Variants in CFAP46 observed in about 807,000 individuals in gnomAD.
CFAP46 encodes cilia- and flagella-associated protein 46.
A neutral mutation model predicts 325.7 loss-of-function variants in CFAP46; 245 were observed. The ratio of observed to expected loss-of-function variants is 0.75; its 90% CI spans 0.68 to 0.84. The LOEUF is 0.84. CFAP46 is among the 40% of genes least tolerant of loss of function. The pLI is 0.00. For missense variants in CFAP46, 3,346 were observed against 3,543.0 expected (o/e 0.94, Z 1.41); for synonymous variants, 1,523 against 1,495.9 (o/e 1.02, Z -0.42).
intron 50 of CFAP46, among the ~76,000 whole-genome samples, chr10:132,822,841 ATGTGTGCAC>A (rs1847904801): frequency 2.0e-5 from 1 of 50,228 alleles, no homozygotes; most frequent in Non-Finnish European, 4.2e-5. Context: ...ATGTGTGCTG[ATGTGTGCAC>A]TGTGTGCTGT....
chr10:132,865,316 G>A (rs1323183609), intron 35 of CFAP46, among the ~76,000 whole-genome samples: 1 of 152,190 alleles, frequency 6.6e-6, no homozygotes, highest in Admixed American at 6.5e-5. Context: ...GGGAGTGCAG[G>A]CGCCCAGGGT....
chr10:132,841,248 C>A (rs1027097415), intron 44 of CFAP46, among the ~76,000 whole-genome samples: 1 of 152,250 alleles, frequency 6.6e-6, no homozygotes, highest in African/African-American at 2.4e-5. Flanking sequence ...CGACATACAG[C>A]GGTGGGACCG....
chr10:132,900,108 G>A (rs1428229235), intron 22 of CFAP46, among the ~76,000 whole-genome samples: 4 of 152,184 alleles, frequency 2.6e-5, no homozygotes, highest in African/African-American at 9.7e-5. Context: ...TCAGCCCCCA[G>A]AACCATGGGG....
At chr10:132,922,421 GC>G (rs143586527) in intron 12 of CFAP46, 58 bp downstream of exon 12, 27,622 of 1,487,898 alleles carry the variant, frequency 0.019, 357 homozygotes, top group African/African-American at 0.054. Context: ...TCAGAGCCCC[GC>G]CCCGGCCCCA....
At chr10:132,918,897 G>A (rs752355278) in intron 15 of CFAP46, among the ~76,000 whole-genome samples, 15 of 152,190 alleles carry the variant, frequency 9.9e-5, no homozygotes, top group South Asian at 2.1e-4. Flanking sequence ...TCGTCCCTCC[G>A]GGTCCTGATT....
intron 50 of CFAP46, among the ~76,000 whole-genome samples, chr10:132,818,149 G>C (rs1409931412): frequency 1.3e-5 from 2 of 152,230 alleles, no homozygotes; most frequent in Middle Eastern, 3.2e-3. Context: ...GGAGCGTCTA[G>C]TTGGGCTGCT....
At position 132,919,589 on chromosome 10, in the gene CFAP46, A is replaced by G; in HGVS notation, c.1731-147T>C. Reference sequence around the variant, plus strand: ...AAGGAGCCCGGCACTCGCGCTGGGTACGGCCTGGCGGGTGCATGTCCCAGG... The same window carrying G: ...AAGGAGCCCGGCACTCGCGCTGGGTGCGGCCTGGCGGGTGCATGTCCCAGG... On this transcript the variant is annotated intron_variant, in intron 14 of 57. Coordinates refer to ENST00000368586, the MANE Select transcript of CFAP46 (RefSeq NM_001200049.3). The surrounding 1 kb of genome is among the most constrained non-coding windows in gnomAD (Gnocchi z 9.7). 9.0e-7 allele frequency: 1 copy of G among 1,113,460 alleles called. No homozygotes were observed. Among genetic ancestry groups the G allele is most frequent in the Non-Finnish European group, 1.2e-6 (1 of 802,442 alleles). The allele number at this position is 1,113,460 out of a possible 1,614,324, so 69.0% of individuals were successfully genotyped here.
chr10:132,813,086 G>A (rs138680357), intron 54 of CFAP46, among the ~76,000 whole-genome samples, 189 bp from the exon 55 acceptor site: 13 of 152,270 alleles, frequency 8.5e-5, no homozygotes, highest in Non-Finnish European at 8.8e-5. Flanking sequence ...GGGTCACGGC[G>A]GAGCCTAGTC....
intron 22 of CFAP46, among the ~76,000 whole-genome samples, chr10:132,904,244 G>A (rs1210966826): frequency 6.6e-6 from 1 of 152,244 alleles, no homozygotes; most frequent in African/African-American, 2.4e-5. Context: ...CTGTGGCTCT[G>A]ACAGTGACCA....
intron 35 of CFAP46, among the ~76,000 whole-genome samples, chr10:132,863,007 C>G (rs900482728): frequency 6.6e-6 from 1 of 152,124 alleles, no homozygotes; most frequent in Non-Finnish European, 1.5e-5. Flanking sequence ...CTGTCAGAAG[C>G]GCCTGCTGTG....
At chr10:132,830,614 T>C (rs2134976048) in intron 50 of CFAP46, among the ~76,000 whole-genome samples, 1 of 152,374 alleles carries the variant, frequency 6.6e-6, no homozygotes, top group African/African-American at 2.4e-5. Context: ...TTATTCATTA[T>C]TTACTTTTTA....
At chr10:132,816,564 C>T (rs904723541) in intron 50 of CFAP46, among the ~76,000 whole-genome samples, 5 of 152,216 alleles carry the variant, frequency 3.3e-5, no homozygotes, top group Admixed American at 6.5e-5. Context: ...ATCTCCTGAC[C>T]TTGGGTGATC....
Position 132,814,710 on chromosome 10 carries a change from T to C in CFAP46, c.7225A>G (p.Ile2409Val), listed in dbSNP as rs1455659882. The C allele has an allele frequency of 6.2e-7, 1 of 1,611,772 alleles. No homozygotes were observed. Reference sequence around the variant, plus strand: ...CACTTGAAGTTGTCTGAGTCGACTATGATGCAGTCAGGGGGGATGGTCCGG... The same window carrying C: ...CACTTGAAGTTGTCTGAGTCGACTACGATGCAGTCAGGGGGGATGGTCCGG... ...IPRTIPPDCI[I>V]VDSDNFKFVV... The change falls in exon 52 of 58, where the codon ATA becomes GTA. Residue 2409 changes from isoleucine (I) to valine (V), a missense_variant. By Grantham distance (29) the Ile-to-Val change is conservative. Transcript: ENST00000368586.
intron 55 of CFAP46, among the ~76,000 whole-genome samples, chr10:132,812,284 G>A (rs1847596857): frequency 6.6e-6 from 1 of 152,224 alleles, no homozygotes; most frequent in Non-Finnish European, 1.5e-5. Flanking sequence ...AGCCCCCCCT[G>A]TGCTGGAGCT....
chr10:132,915,865 C>T (rs548001772), intron 17 of CFAP46, among the ~76,000 whole-genome samples: 5 of 152,270 alleles, frequency 3.3e-5, no homozygotes, highest in East Asian at 1.9e-4. Flanking sequence ...CTGATCACCA[C>T]GTTACACAGA....
Position 132,833,352 on chromosome 10 carries a change from T to C in CFAP46, c.7117+6A>G, listed in dbSNP as rs1848182024. 6.2e-7 allele frequency: 1 copy of C among 1,612,966 alleles called. No individual in the cohort carries two copies. Among genetic ancestry groups the C allele is most frequent in the Non-Finnish European group, 8.5e-7 (1 of 1,179,176 alleles). ...ACACATTAAGGTGGCTGAGGGCAGT[T>C]CCTACCTGTCTCTTCTTTATGGAGG... On this transcript the variant is annotated splice_donor_region_variant and intron_variant, in intron 50 of 57. Transcript: ENST00000368586.
chr10:132,921,318 C>G (rs1392375364), intron 13 of CFAP46, among the ~76,000 whole-genome samples: 3 of 152,224 alleles, frequency 2.0e-5, no homozygotes, highest in African/African-American at 7.2e-5. Flanking sequence ...GGCCCCTGCA[C>G]TGGGCTGGAG....
At chr10:132,901,548 G>A (rs12780388) in intron 22 of CFAP46, among the ~76,000 whole-genome samples, 13 of 152,018 alleles carry the variant, frequency 8.6e-5, no homozygotes, top group African/African-American at 3.1e-4. Context: ...GAGGGCCCTC[G>A]GAATCGCTGC....
rs1196610599 is a variant in CFAP46, at chr10:132,860,843, T to C, written c.5030A>G (p.Asn1677Ser). ...HLGGSEEFWYNSTLTLAEALL... is the reference protein window; with the variant it reads ...HLGGSEEFWYSSTLTLAEALL... ...CGCCTCTGCCAGGGTCAGAGTGGAA[T>C]TGTACCAGAACTCCTCACTTCCGCC... Residue 1677 changes from asparagine (N) to serine (S), a missense_variant, in exon 36 of 58, where the codon AAT becomes AGT. Asn to Ser is a conservative substitution (Grantham distance 46). Coordinates refer to ENST00000368586, the MANE Select transcript of CFAP46 (RefSeq NM_001200049.3). 13 of 1,551,104 alleles carry C rather than the reference T, an allele frequency of 8.4e-6. No homozygotes were observed. Among genetic ancestry groups the C allele is most frequent in the African/African-American group, 5.5e-5 (4 of 73,200 alleles).
Sources: gnomAD v4.1 joint callset for allele counts (sites outside exome capture counted in the v4.1 genomes callset) on GRCh38, gnomAD v4.1.1 for gene constraint, Gnocchi (gnomAD v3.1) non-coding constraint, MANE v1.5 for transcripts, NCBI Gene and HGNC (gene_info 2026-07-23, HGNC 2026-07-21) for gene names.